The following FRMPD4 variants were observed in gnomAD, a reference collection of about 807,000 sequenced individuals.
FRMPD4 encodes the protein FERM and PDZ domain-containing protein 4.
FRMPD4 carries 22 observed loss-of-function variants against 94.1 expected under a neutral mutation model. The observed-to-expected ratio is 0.23, with a 90% CI of 0.17 to 0.33. FRMPD4 has a LOEUF of 0.33. FRMPD4 is among the 10% of genes least tolerant of loss of function. The probability of loss-of-function intolerance (pLI) is 1.00; values close to 1 mark genes in which losing one functional copy is unlikely to be tolerated. For missense variants in FRMPD4, 1,111 were observed against 1,339.9 expected, an observed-to-expected ratio of 0.83 and a Z score of 2.67; for synonymous variants, 631 against 548.6, an observed-to-expected ratio of 1.15 and a Z score of -2.10.
At chrX:12,129,390 A>G (rs952243596) in intron 3 of FRMPD4, among the ~76,000 whole-genome samples, 3 of 111,353 alleles carry the variant, frequency 2.7e-5, no homozygotes, top group African/African-American at 9.8e-5. Context: ...AGCTCATGAG[A>G]ATTCACTATC....
chrX:12,153,370 G>A (rs369527750), intron 1 of FRMPD4, among the ~76,000 whole-genome samples: 82 of 112,167 alleles, frequency 7.3e-4, no homozygotes, highest in African/African-American at 2.6e-3. Flanking sequence ...ATTGATGGAT[G>A]TTTCCTTTAG....
At chrX:12,478,350 G>T (rs1339158026) in intron 1 of FRMPD4, among the ~76,000 whole-genome samples, 2 of 111,697 alleles carry the variant, frequency 1.8e-5, no homozygotes, top group African/African-American at 3.3e-5. Context: ...GAGGCAGGCA[G>T]ATCGCATGAG....
At chrX:12,366,056 T>C (rs1315957501) in intron 1 of FRMPD4, among the ~76,000 whole-genome samples, 3 of 111,230 alleles carry the variant, frequency 2.7e-5, no homozygotes, top group Non-Finnish European at 5.7e-5. Context: ...ATGATAGGGG[T>C]TGGGATAGAG....
rs1429019067 is a variant in FRMPD4, at chrX:12,462,808, G to A, written c.42-35872G>A. On this transcript the variant is annotated intron_variant, in intron 1 of 16. Coordinates refer to ENST00000675598, the MANE Select transcript of FRMPD4 (RefSeq NM_001368397.1). ...GTTGGAGACCAGCCTGGGCAACATAGTGAAACCCCGTCTGTACAAAAAATT... is the reference window on the plus strand; with the variant it reads ...GTTGGAGACCAGCCTGGGCAACATAATGAAACCCCGTCTGTACAAAAAATT... 7.2e-5 allele frequency among the ~76,000 whole-genome samples: 8 copies of A among 111,560 alleles called. No individual in the cohort carries two copies. The Admixed American group carries it at 7.6e-4, about 11-fold the overall frequency.
chrX:12,326,561 C>A (rs1302593931), intron 1 of FRMPD4, among the ~76,000 whole-genome samples: 1 of 111,894 alleles, frequency 8.9e-6, no homozygotes, highest in Non-Finnish European at 1.9e-5. Flanking sequence ...TGAGAGCCAC[C>A]AAGTCCTAGG....
intron 4 of FRMPD4, among the ~76,000 whole-genome samples, chrX:12,623,156 GAGAA>G (rs1168696316): frequency 0.035 from 26 of 749 alleles, 1 homozygote; most frequent in African/African-American, 0.064. Context: ...AAGAAAGAAA[GAGAA>G]AGAAAGAAAG....
chrX:12,721,762 G>A lies in FRMPD4; in HGVS notation c.5193G>A (p.Gly1731=). The change falls in exon 17 of 17, where the codon GGG becomes GGA. Residue 1731 remains glycine, a synonymous_variant. Transcript: ENST00000675598. The part of the protein sequence containing the change: ...AAEAATGKNP[G]DPNVGLSARH... ...AAGCAGCCACTGGAAAGAACCCTGG[G>A]GACCCTAATGTTGGACTCTCGGCGC... 1.3e-6 allele frequency: 1 copy of A among 754,545 alleles called. No homozygotes were observed. The highest frequency in any genetic ancestry group is 1.6e-6 in the Non-Finnish European group (1 of 637,976). The allele number at this position is 754,545 out of a possible 1,213,427, so 62.2% of individuals were successfully genotyped here.
At chrX:11,901,755 C>CT (rs1286197909) in intron 3 of FRMPD4, among the ~76,000 whole-genome samples, 15 of 108,197 alleles carry the variant, frequency 1.4e-4, no homozygotes, top group African/African-American at 3.4e-4. Flanking sequence ...ACAACAGTAT[C>CT]TTTTTTTTTT....
chrX:12,577,043 G>C (rs1374487186), intron 2 of FRMPD4, among the ~76,000 whole-genome samples: 1 of 111,923 alleles, frequency 8.9e-6, no homozygotes, highest in Non-Finnish European at 1.9e-5. Flanking sequence ...TTGAGAAAAA[G>C]AATTATGTGT....
intron 1 of FRMPD4, among the ~76,000 whole-genome samples, chrX:12,413,539 C>T (rs952303117): frequency 4.5e-5 from 5 of 111,818 alleles, no homozygotes; most frequent in Non-Finnish European, 9.4e-5. Context: ...TTCAAACCCA[C>T]GTTGTGAGTC....
At chrX:12,463,211 G>C (rs1034601074) in intron 1 of FRMPD4, among the ~76,000 whole-genome samples, 1 of 111,488 alleles carries the variant, frequency 9.0e-6, no homozygotes, top group African/African-American at 3.3e-5. Flanking sequence ...CTCTGAGACT[G>C]CCATCTCATG....
intron 4 of FRMPD4, among the ~76,000 whole-genome samples, chrX:12,629,607 G>C (rs2059377481): frequency 8.9e-6 from 1 of 112,380 alleles, no homozygotes; most frequent in South Asian, 3.7e-4. Context: ...CACATAGTCA[G>C]CTCTTAATAC....
intron 2 of FRMPD4, among the ~76,000 whole-genome samples, chrX:12,575,934 C>A (rs2058808120): frequency 8.9e-6 from 1 of 112,246 alleles, no homozygotes; most frequent in Non-Finnish European, 1.9e-5. Context: ...TAGAAAGACC[C>A]ATTTCAGACT....
At chrX:12,691,256 T>A (rs763628127) in intron 8 of FRMPD4, among the ~76,000 whole-genome samples, 2 of 109,165 alleles carry the variant, frequency 1.8e-5, no homozygotes, top group Admixed American at 1.9e-4. Flanking sequence ...TTTTTTGGGG[T>A]TTTTTTTGTT....
intron 3 of FRMPD4, among the ~76,000 whole-genome samples, chrX:12,005,671 C>T (rs1400935116): frequency 2.7e-5 from 3 of 113,096 alleles, no homozygotes; most frequent in Admixed American, 1.9e-4. Context: ...CTGAGCGCCA[C>T]AGAGAGAACT....
At chrX:12,303,990 G>A (rs2054897952) in intron 1 of FRMPD4, among the ~76,000 whole-genome samples, 1 of 112,309 alleles carries the variant, frequency 8.9e-6, no homozygotes, top group African/African-American at 3.2e-5. Context: ...GTCCTGAGCT[G>A]AGAAGCTGCT....
In FRMPD4 at chrX:12,619,423, C is replaced by T. The variant is rs760785378; in HGVS notation, c.422+4542C>T. Among the ~76,000 whole-genome samples, 18 of 111,967 alleles carry T rather than the reference C, an allele frequency of 1.6e-4. 1 individual carries two copies. In the South Asian group the frequency reaches 6.8e-3, roughly 42 times the overall value. ...ATCCCCCATAGCAACTATAATTTGG[C>T]AGCCACCTATGGACAAAAGTGGCTT... On this transcript the variant is annotated intron_variant, in intron 4 of 16. Coordinates refer to ENST00000675598, the MANE Select transcript of FRMPD4 (RefSeq NM_001368397.1).
intron 1 of FRMPD4, among the ~76,000 whole-genome samples, chrX:12,236,673 A>T (rs2057074294): frequency 8.9e-6 from 1 of 111,823 alleles, no homozygotes; most frequent in Non-Finnish European, 1.9e-5. Flanking sequence ...TAGAAAAAAA[A>T]ATACCTGATA....
rs1207671743 is a variant in FRMPD4, at chrX:12,122,469, G to C, written c.95+244451G>C. Among the ~76,000 whole-genome samples the C allele has an allele frequency of 4.5e-5, 5 of 111,589 alleles. No homozygotes were observed. In the East Asian group the frequency reaches 1.4e-3, roughly 31 times the overall value. On this transcript the variant is annotated intron_variant, in intron 3 of 18. Transcript: ENST00000640291. Reference sequence around the variant, plus strand: ...ACTGTACAACAGGAGTGTTTTGTGGGCCAAGCCAGCACTTCTGTCTATATT... The same window carrying C: ...ACTGTACAACAGGAGTGTTTTGTGGCCCAAGCCAGCACTTCTGTCTATATT...
Sources: gnomAD v4.1 joint callset for allele counts (sites outside exome capture counted in the v4.1 genomes callset) on GRCh38, gnomAD v4.1.1 for gene constraint, MANE v1.5 for transcripts, NCBI Gene and HGNC (gene_info 2026-07-23, HGNC 2026-07-21) for gene names.